The following NXNL2 variants were observed in gnomAD, a reference collection of about 807,000 sequenced individuals.
NXNL2 encodes nucleoredoxin like 2, also known as nucleoredoxin-like protein 2.
NXNL2 carries 7 observed loss-of-function variants against 11.1 expected under a neutral mutation model. The observed-to-expected ratio is 0.63, with a 90% CI of 0.36 to 1.18. NXNL2 has a LOEUF of 1.18. Ranked by LOEUF, NXNL2 falls within the 50% of genes most tolerant of loss-of-function variation. The pLI is 0.02. For synonymous variants in NXNL2, 109 were observed against 101.8 expected, an observed-to-expected ratio of 1.07 and a Z score of -0.42; for missense variants, 233 against 217.7, an observed-to-expected ratio of 1.07 and a Z score of -0.44.
chr9:88,557,793 G>A (rs948380329), intron 1 of NXNL2, among the ~76,000 whole-genome samples: 6 of 152,168 alleles, frequency 3.9e-5, no homozygotes, highest in African/African-American at 1.4e-4. Context: ...GAATCTGCAG[G>A]TTAGATAGAG....
chr9:88,583,367 G>A (rs1011921104), intron 1 of NXNL2, among the ~76,000 whole-genome samples: 29 of 152,230 alleles, frequency 1.9e-4, no homozygotes, highest in Admixed American at 1.1e-3. Flanking sequence ...GAGAGGGAAT[G>A]TTCTCTGAAT....
chr9:88,565,538 A>AT lies in NXNL2; in HGVS notation c.303-5542dup, dbSNP rs1446433989. Among the ~76,000 whole-genome samples the AT allele has an allele frequency of 2.0e-5, 3 of 152,002 alleles. No homozygotes were observed. The East Asian group carries it at 5.8e-4, about 29-fold the overall frequency. On this transcript the variant is annotated intron_variant, in intron 1 of 2. Coordinates refer to the NXNL2 transcript ENST00000375855. ...CTCTAACACTTGTATTTTAATTTTA[A>AT]TTTTTTTAAATTTTTGAGACAGAGT...
rs557365418 is a variant in NXNL2 at position 88,566,244 on chromosome 9, A to G, written c.303-4843A>G. Among the ~76,000 whole-genome samples the G allele has an allele frequency of 1.7e-4, 25 of 150,978 alleles. 1 individual carries two copies. Among genetic ancestry groups the G allele is most frequent in the Admixed American group, 1.3e-3 (20 of 15,168 alleles). ...TAGTTATCTGTGCTTTTAGTGCCAG[A>G]TCCATTAAATCATTGCCAAGGCCAA... is the stretch of plus-strand genomic sequence containing the variant. On this transcript the variant is annotated intron_variant, in intron 1 of 2. Transcript: ENST00000375855.
intron 2 of NXNL2, among the ~76,000 whole-genome samples, chr9:88,574,578 G>A (rs1038601131): frequency 6.6e-6 from 1 of 152,248 alleles, no homozygotes; most frequent in Admixed American, 6.5e-5. Context: ...GAAGCAATTA[G>A]ATATGCATTT....
At chr9:88,558,279 G>T (rs539631243) in intron 1 of NXNL2, among the ~76,000 whole-genome samples, 1 of 152,266 alleles carries the variant, frequency 6.6e-6, no homozygotes, top group African/African-American at 2.4e-5. Context: ...AACCCCAAAA[G>T]AGCAGAGTTT....
intron 1 of NXNL2, among the ~76,000 whole-genome samples, chr9:88,559,004 C>T (rs534583024): frequency 6.6e-6 from 1 of 152,132 alleles, no homozygotes; most frequent in Non-Finnish European, 1.5e-5. Flanking sequence ...CCCTTAAGCT[C>T]TCCATGCTGA....
intron 1 of NXNL2, among the ~76,000 whole-genome samples, chr9:88,562,467 A>G (rs1383595977): frequency 2.0e-5 from 3 of 152,196 alleles, no homozygotes; most frequent in South Asian, 2.1e-4. Context: ...AGCAATTTAA[A>G]TTGTAGTAAG....
downstream of NXNL2, among the ~76,000 whole-genome samples, chr9:88,578,701 C>T (rs550790506): frequency 1.3e-5 from 2 of 152,358 alleles, no homozygotes; most frequent in Admixed American, 6.5e-5. Flanking sequence ...CTCCGACCTC[C>T]GGAAGGCTGG....
Position 88,544,537 on chromosome 9 carries a change from T to A in NXNL2, c.461T>A (p.Phe154Tyr), listed in dbSNP as rs1441686306. The A allele has an allele frequency of 1.3e-6, 2 of 1,534,724 alleles. No homozygotes were observed. Among genetic ancestry groups the A allele is most frequent in the East Asian group, 2.5e-5 (1 of 40,584 alleles). Residue 154 changes from phenylalanine (F) to tyrosine (Y), a missense_variant, in exon 2 of 2, where the codon TTC (phenylalanine) becomes TAC (tyrosine). Coordinates refer to ENST00000375854, the MANE Select transcript of NXNL2 (RefSeq NM_001161625.2). ...WVEAADIFQN[F>Y]SV is the part of the protein sequence containing the mutation. Reference sequence around the variant, plus strand: ...GAGGCGGCCGATATCTTCCAGAATTTCTCCGTTTGAAGTGGGAGGGACCTC... The same window carrying A: ...GAGGCGGCCGATATCTTCCAGAATTACTCCGTTTGAAGTGGGAGGGACCTC...
intron 1 of NXNL2, chr9:88,583,849 G>A (rs1830434168): frequency 6.6e-6 from 1 of 152,272 alleles, no homozygotes; most frequent in African/African-American, 2.4e-5. Context: ...AGAACACACT[G>A]AGAAGGCACT....
intron 2 of NXNL2, among the ~76,000 whole-genome samples, chr9:88,574,482 C>A (rs551005324): frequency 6.6e-6 from 1 of 152,210 alleles, no homozygotes; most frequent in East Asian, 1.9e-4. Context: ...AGGGACAACT[C>A]GAAGCAAGGA....
intron 1 of NXNL2, among the ~76,000 whole-genome samples, chr9:88,551,091 A>G (rs1337414897): frequency 2.6e-5 from 4 of 152,126 alleles, no homozygotes. Flanking sequence ...ATTCTCTCTC[A>G]GAACTTGTCA....
At position 88,535,469 on chromosome 9, in the gene NXNL2, C is replaced by T. The variant is rs1451091866; in HGVS notation, c.35C>T (p.Thr12Ile). 6 of 1,607,996 alleles carry T rather than the reference C, an allele frequency of 3.7e-6. No individual in the cohort carries two copies. The African/African-American group carries it at 4.0e-5, about 11-fold the overall frequency. Residue 12 changes from threonine (T) to isoleucine (I), a missense_variant, in exon 1 of 2, where the codon ACC becomes ATC. Transcript: ENST00000375854. ...VDILGERHLV[T>I]CKGATVEAEA... ...ATTCTGGGCGAGCGGCACCTGGTGA[C>T]CTGTAAGGGCGCGACGGTGGAGGCC... is the stretch of plus-strand genomic sequence containing the variant.
At chr9:88,550,394 T>C (rs939766445) in intron 1 of NXNL2, among the ~76,000 whole-genome samples, 3 of 152,202 alleles carry the variant, frequency 2.0e-5, no homozygotes, top group Non-Finnish European at 4.4e-5. Context: ...TGAGAGAAAG[T>C]GAGGCATTTA....
intron 1 of NXNL2, among the ~76,000 whole-genome samples, chr9:88,583,591 T>A (rs1830431877): frequency 6.6e-6 from 1 of 152,226 alleles, no homozygotes; most frequent in Non-Finnish European, 1.5e-5. Flanking sequence ...TGTGCTGCTC[T>A]GATGCTTTGG....
rs1303888224 is a variant in NXNL2 at position 88,544,538 on chromosome 9, C to T, written c.462C>T (p.Phe154=). 1.3e-6 allele frequency: 2 copies of T among 1,534,480 alleles called. No individual in the cohort carries two copies. The highest frequency in any genetic ancestry group is 2.5e-5 in the East Asian group (1 of 40,606). The part of the protein sequence containing the change: ...WVEAADIFQN[F]SV ...AGGCGGCCGATATCTTCCAGAATTT[C>T]TCCGTTTGAAGTGGGAGGGACCTCA... Residue 154 remains phenylalanine, a synonymous_variant, in exon 2 of 2, where the codon TTC becomes TTT. Coordinates refer to ENST00000375854, the MANE Select transcript of NXNL2 (RefSeq NM_001161625.2).
At chr9:88,549,772 G>A (rs148379184), downstream of NXNL2, among the ~76,000 whole-genome samples, 492 of 152,316 alleles carry the variant, frequency 3.2e-3, 5 homozygotes, top group African/African-American at 0.011. Flanking sequence ...AAGGTGAAAG[G>A]CGAGCAGGCA....
intron 2 of NXNL2, among the ~76,000 whole-genome samples, chr9:88,573,258 C>T (rs1233036079): frequency 6.6e-6 from 1 of 152,106 alleles, no homozygotes; most frequent in Non-Finnish European, 1.5e-5. Context: ...GTCCTCCTAC[C>T]TCAGCCTCCC....
intron 1 of NXNL2, among the ~76,000 whole-genome samples, chr9:88,555,097 G>A (rs752571341): frequency 2.0e-4 from 30 of 152,218 alleles, no homozygotes; most frequent in Non-Finnish European, 4.1e-4. Flanking sequence ...CTGAAACGGG[G>A]GCTTAGCCCA....
Sources: allele counts gnomAD v4.1 joint callset (sites outside exome capture counted in the v4.1 genomes callset), GRCh38; gene constraint gnomAD v4.1.1; transcripts MANE v1.5; gene names NCBI Gene and HGNC (gene_info 2026-07-23, HGNC 2026-07-21).